The following FAM185A variants were observed in gnomAD, a reference collection of about 807,000 sequenced individuals.
FAM185A encodes family with sequence similarity 185 member A.
FAM185A carries 21 observed loss-of-function variants against 45.7 expected under a neutral mutation model. The ratio of observed to expected loss-of-function variants is 0.46; its 90% confidence interval spans 0.33 to 0.66. The LOEUF is 0.66. Ranked by LOEUF, FAM185A falls within the 30% of genes least tolerant of loss-of-function variation. FAM185A has a pLI of 0.03. For missense variants in FAM185A, 305 were observed against 485.4 expected (o/e 0.63, Z 3.49); for synonymous variants, 117 against 194.0 (o/e 0.60, Z 3.30).
the FAM185A span, among the ~76,000 whole-genome samples, chr7:102,845,203 T>C: frequency 2.6e-5 from 4 of 152,162 alleles, no homozygotes; most frequent in African/African-American, 7.2e-5. Context: ...AATCGTGGCC[T>C]GGCCTTTCTC....
chr7:102,824,906 A>G, the FAM185A span, among the ~76,000 whole-genome samples: 1 of 150,826 alleles, frequency 6.6e-6, no homozygotes, highest in Non-Finnish European at 1.5e-5. Flanking sequence ...CCATAGCTGC[A>G]CACCACCAAA....
intron 5 of FAM185A, among the ~76,000 whole-genome samples, chr7:102,774,610 G>A (rs1374896016): frequency 6.6e-6 from 1 of 152,012 alleles, no homozygotes; most frequent in East Asian, 1.9e-4. Flanking sequence ...TTTATTCCTT[G>A]TTTGCTTAAA....
the FAM185A span, among the ~76,000 whole-genome samples, chr7:102,829,930 A>G: frequency 6.6e-6 from 1 of 152,130 alleles, no homozygotes; most frequent in Admixed American, 6.5e-5. Context: ...GGTCCAGATG[A>G]TGGTCCCCAC....
chr7:102,781,902 C>A (rs1410053954), intron 6 of FAM185A, among the ~76,000 whole-genome samples: 2 of 151,986 alleles, frequency 1.3e-5, no homozygotes, highest in African/African-American at 4.8e-5. Context: ...AGTTAAAAAC[C>A]TTGAAAAAAA....
At position 102,798,883 on chromosome 7, in the gene FAM185A, GA is replaced by G. The variant is rs1796601904; in HGVS notation, c.1067-9406del. Among the ~76,000 whole-genome samples, 3 of 152,052 alleles carry G rather than the reference GA, an allele frequency of 2.0e-5. No homozygotes were observed. The South Asian group carries it at 6.2e-4, about 32-fold the overall frequency. On this transcript the variant is annotated intron_variant, in intron 7 of 7. Coordinates refer to ENST00000413034, the MANE Select transcript of FAM185A (RefSeq NM_001145268.2). ...CTGCCTCAGCCTCCCAAGTAGCTGG[GA>G]TTACAGGCACCTGCCACCACGCCCA... is the stretch of plus-strand genomic sequence containing the variant.
chr7:102,767,047 C>T lies in FAM185A; in HGVS notation c.794-5362C>T, dbSNP rs556164699. 9.5e-4 allele frequency among the ~76,000 whole-genome samples: 145 copies of T among 152,120 alleles called. 1 individual carries two copies. The highest frequency in any genetic ancestry group is 1.9e-3 in the Admixed American group (29 of 15,294). On this transcript the variant is annotated intron_variant, in intron 4 of 7. Transcript: ENST00000413034. ...CTGACCTCAGGTGATCCGCACGCCT[C>T]GGCCTCCCAAAGTGCTGGAATTACA...
chr7:102,825,080 A>T, the FAM185A span, among the ~76,000 whole-genome samples: 1 of 152,120 alleles, frequency 6.6e-6, no homozygotes, highest in African/African-American at 2.4e-5. Flanking sequence ...TCAAGTTTTT[A>T]CTATTTAAAT....
chr7:102,806,679 G>A (rs1333806584), intron 7 of FAM185A, among the ~76,000 whole-genome samples: 1 of 152,190 alleles, frequency 6.6e-6, no homozygotes, highest in East Asian at 1.9e-4. Context: ...GAACTCCAGA[G>A]GAGATATAAC....
chr7:102,775,679 G>C (rs1229522029), intron 5 of FAM185A, among the ~76,000 whole-genome samples: 1 of 151,860 alleles, frequency 6.6e-6, no homozygotes, highest in African/African-American at 2.4e-5. Context: ...CCCTCCTTGA[G>C]AAAGCGAGAA....
chr7:102,793,907 C>T (rs1206536670), intron 7 of FAM185A, among the ~76,000 whole-genome samples: 4 of 151,484 alleles, frequency 2.6e-5, no homozygotes, highest in African/African-American at 4.9e-5. Flanking sequence ...GGCGTGGTGG[C>T]GGGTGCCTGA....
At chr7:102,752,931 T>C (rs562863698) in intron 2 of FAM185A, among the ~76,000 whole-genome samples, 5 of 151,064 alleles carry the variant, frequency 3.3e-5, no homozygotes, top group Non-Finnish European at 5.9e-5. Context: ...CATTTTTAGA[T>C]TTCTAAACAC....
At position 102,761,257 on chromosome 7, in the gene FAM185A, G is replaced by A. The variant is rs1295471128; in HGVS notation, c.655-16G>A. ...TCTTTGTTTTATAATGAACTGATTA[G>A]TCTTTCTCTTACTAGGCTGTGACCA... On this transcript the variant is annotated splice_polypyrimidine_tract_variant and intron_variant, in intron 3 of 7. Coordinates refer to ENST00000413034, the MANE Select transcript of FAM185A (RefSeq NM_001145268.2). 6.6e-7 allele frequency: 1 copy of A among 1,525,114 alleles called. No homozygotes were observed. The highest frequency in any genetic ancestry group is 2.5e-5 in the East Asian group (1 of 39,654). The allele number at this position is 1,525,114 out of a possible 1,614,324, so 94.5% of individuals were successfully genotyped here.
chr7:102,811,271 A>G (rs1797419941), downstream of FAM185A, among the ~76,000 whole-genome samples: 1 of 152,232 alleles, frequency 6.6e-6, no homozygotes, highest in Non-Finnish European at 1.5e-5. Flanking sequence ...AGTCCCAGAC[A>G]AAAAGAAAAA....
chr7:102,755,558 T>C, intron 2 of FAM185A: 2 of 626,202 alleles, frequency 3.2e-6, no homozygotes, highest in Admixed American at 4.8e-5. Flanking sequence ...GAGCAGGAGT[T>C]AACACCATCA....
chr7:102,823,130 T>C, the FAM185A span, among the ~76,000 whole-genome samples: 1 of 152,148 alleles, frequency 6.6e-6, no homozygotes, highest in African/African-American at 2.4e-5. Context: ...AAGAGTCCTC[T>C]GGTTTGGATG....
chr7:102,774,036 T>C (rs1419172615), intron 5 of FAM185A, among the ~76,000 whole-genome samples: 1 of 152,104 alleles, frequency 6.6e-6, no homozygotes, highest in East Asian at 1.9e-4. Flanking sequence ...GTTTTGATTA[T>C]GTTTGGGATT....
chr7:102,749,730 G>C, intron 1 of FAM185A, 72 bp downstream of exon 1: 2 of 1,493,328 alleles, frequency 1.3e-6, no homozygotes, highest in South Asian at 1.4e-5. Flanking sequence ...TGTGGTCGAC[G>C]TGCACTTTTA....
chr7:102,844,155 T>C, the FAM185A span, among the ~76,000 whole-genome samples: 6 of 152,244 alleles, frequency 3.9e-5, no homozygotes, highest in Non-Finnish European at 7.3e-5. Context: ...TTCAGGGCTT[T>C]AAAAAGCAGA....
At chr7:102,834,430 G>A in the FAM185A span, among the ~76,000 whole-genome samples, 1 of 139,878 alleles carries the variant, frequency 7.1e-6, no homozygotes, top group Non-Finnish European at 1.5e-5. Flanking sequence ...ATATATGTGT[G>A]ATTATATATA....
Sources: gnomAD v4.1 joint callset for allele counts (sites outside exome capture counted in the v4.1 genomes callset) on GRCh38, gnomAD v4.1.1 for gene constraint, MANE v1.5 for transcripts, NCBI Gene and HGNC (gene_info 2026-07-23, HGNC 2026-07-21) for gene names.